Variants in DOCK1 observed in about 807,000 individuals in gnomAD.
The protein encoded by DOCK1 is dedicator of cytokinesis 1.
In DOCK1, 138 loss-of-function variants were observed where a neutral mutation model predicts 262.7. That is an observed-to-expected ratio of 0.53 (90% CI 0.46 to 0.61). DOCK1 has a LOEUF of 0.61. DOCK1 is among the 20% of genes least tolerant of loss of function. The probability of loss-of-function intolerance (pLI) is 0.00; values close to 1 mark genes in which losing one functional copy is unlikely to be tolerated. For synonymous variants in DOCK1, 866 were observed against 867.4 expected, an observed-to-expected ratio of 1.00 and a Z score of 0.03; for missense variants, 1,908 against 2,370.7, an observed-to-expected ratio of 0.80 and a Z score of 4.05.
chr10:127,008,474 G>C (rs531521274), intron 10 of DOCK1, among the ~76,000 whole-genome samples: 1 of 152,322 alleles, frequency 6.6e-6, no homozygotes, highest in East Asian at 1.9e-4. Context: ...GGACAGGGCA[G>C]CTCTAGGGTG....
chr10:127,018,633 A>G, intron 12 of DOCK1, 77 bp from the exon 13 acceptor site: 5 of 1,603,582 alleles, frequency 3.1e-6, no homozygotes, highest in Non-Finnish European at 4.3e-6. Flanking sequence ...TCTCTCATTC[A>G]TTGAAATTGG....
At chr10:127,178,421 C>T (rs1186315143) in intron 27 of DOCK1, among the ~76,000 whole-genome samples, 1 of 152,154 alleles carries the variant, frequency 6.6e-6, no homozygotes, top group Non-Finnish European at 1.5e-5. Flanking sequence ...GGGTGGTCAG[C>T]AGTCCCTGGC....
At chr10:126,945,933 T>A (rs1353610613) in intron 1 of DOCK1, among the ~76,000 whole-genome samples, 1 of 152,170 alleles carries the variant, frequency 6.6e-6, no homozygotes, top group Non-Finnish European at 1.5e-5. Flanking sequence ...CTTGGAATGC[T>A]CAGGTGTGGT....
At chr10:127,093,249 T>TCTTTCTTTC (rs60427425) in intron 23 of DOCK1, among the ~76,000 whole-genome samples, 12 of 129,346 alleles carry the variant, frequency 9.3e-5, no homozygotes, top group African/African-American at 3.7e-4. Flanking sequence ...CTTCTTTTTT[T>TCTTTCTTTC]TTTTTTTTTT....
intron 23 of DOCK1, among the ~76,000 whole-genome samples, chr10:127,102,506 C>T (rs939326923): frequency 1.3e-5 from 2 of 152,154 alleles, no homozygotes; most frequent in Non-Finnish European, 2.9e-5. Flanking sequence ...TGGAAATATT[C>T]CCAGGTAATA....
At chr10:126,989,598 A>G (rs1234247409) in intron 5 of DOCK1, among the ~76,000 whole-genome samples, 1 of 152,172 alleles carries the variant, frequency 6.6e-6, no homozygotes, top group African/African-American at 2.4e-5. Context: ...AAGTGCTAGG[A>G]TTATAGGCCG....
At chr10:127,132,730 C>G (rs1387944743) in intron 27 of DOCK1, among the ~76,000 whole-genome samples, 1 of 152,122 alleles carries the variant, frequency 6.6e-6, no homozygotes, top group East Asian at 1.9e-4. Context: ...ACATTTCCGT[C>G]TCCTGTGATA....
At chr10:127,052,553 T>C in intron 21 of DOCK1, 128 bp from the exon 22 acceptor site, 1 of 1,322,670 alleles carries the variant, frequency 7.6e-7, no homozygotes, top group Non-Finnish European at 1.0e-6. Context: ...GAAAACGTTT[T>C]ACAGATATTC....
intron 1 of DOCK1, among the ~76,000 whole-genome samples, chr10:126,939,942 A>G (rs896392239): frequency 6.5e-4 from 99 of 152,172 alleles, no homozygotes; most frequent in Admixed American, 1.8e-3. Context: ...TGTTGCCTGA[A>G]TAGGAGCCTC....
Position 127,419,675 on chromosome 10 carries a change from A to T in DOCK1, c.4702A>T (p.Thr1568Ser), listed in dbSNP as rs779586829. Residue 1568 changes from threonine (T) to serine (S), a missense_variant, in exon 46 of 52, where the codon ACA (threonine) becomes TCA (serine). Thr to Ser is a moderately conservative substitution (Grantham distance 58). Coordinates refer to ENST00000623213, the MANE Select transcript of DOCK1 (RefSeq NM_001290223.2). ...TCCTTGTCTCCACCAGGCCTTCTTTACAGACCGGTACCTGCAGGAGCACCC... is the reference window on the plus strand; with the variant it reads ...TCCTTGTCTCCACCAGGCCTTCTTTTCAGACCGGTACCTGCAGGAGCACCC... ...GFANYEKAFF[T>S]DRYLQEHPEA... 59 of 1,603,870 alleles carry T rather than the reference A, an allele frequency of 3.7e-5. No homozygotes were observed. Among genetic ancestry groups the T allele is most frequent in the Non-Finnish European group, 4.9e-5 (57 of 1,175,032 alleles).
chr10:127,309,486 T>C (rs1446794269), intron 29 of DOCK1, among the ~76,000 whole-genome samples: 1 of 152,248 alleles, frequency 6.6e-6, no homozygotes, highest in East Asian at 1.9e-4. Context: ...GCAGTTGCTT[T>C]TGGCATTTTG....
At chr10:127,086,216 G>A (rs1180807796) in intron 23 of DOCK1, among the ~76,000 whole-genome samples, 1 of 149,750 alleles carries the variant, frequency 6.7e-6, no homozygotes, top group South Asian at 2.1e-4. Context: ...ACCAGCCCTG[G>A]AAACCCCACC....
intron 29 of DOCK1, among the ~76,000 whole-genome samples, chr10:127,324,614 G>T (rs904153818): frequency 6.6e-6 from 1 of 150,376 alleles, no homozygotes; most frequent in Non-Finnish European, 1.5e-5. Flanking sequence ...CAATATTTCG[G>T]TTTTTTTTTT....
chr10:127,107,018 C>T lies in DOCK1; in HGVS notation c.2516+717C>T, dbSNP rs116859407. Among the ~76,000 whole-genome samples the T allele has an allele frequency of 1.6e-3, 246 of 152,148 alleles. 1 individual carries two copies. The East Asian group carries it at 0.024, about 15-fold the overall frequency. ...TGTTGCCCAGGCTGTAGTGCAGTGG[C>T]GCGATCATAGCTCACTGCAGCTTCA... On this transcript the variant is annotated intron_variant, in intron 24 of 51. Transcript: ENST00000623213.
At chr10:127,072,081 C>A (rs1360872128) in intron 23 of DOCK1, among the ~76,000 whole-genome samples, 2 of 152,176 alleles carry the variant, frequency 1.3e-5, no homozygotes, top group Non-Finnish European at 2.9e-5. Flanking sequence ...CACATCTGTG[C>A]CCTCGGTCTT....
At chr10:127,356,345 G>C (rs1233592971) in intron 32 of DOCK1, among the ~76,000 whole-genome samples, 1 of 152,098 alleles carries the variant, frequency 6.6e-6, no homozygotes, top group Non-Finnish European at 1.5e-5. Flanking sequence ...AGTCTTTCTG[G>C]GCCGTTAGAT....
intron 29 of DOCK1, among the ~76,000 whole-genome samples, chr10:127,326,986 A>G (rs1343352479): frequency 6.6e-6 from 1 of 152,244 alleles, no homozygotes; most frequent in Non-Finnish European, 1.5e-5. Flanking sequence ...TCAGGTCTTA[A>G]CAGTGGGCTT....
chr10:127,052,492 C>A (rs2044797882), intron 21 of DOCK1, among the ~76,000 whole-genome samples, 189 bp from the exon 22 acceptor site: 1 of 150,794 alleles, frequency 6.6e-6, no homozygotes, highest in South Asian at 2.1e-4. Context: ...CCATTGCACT[C>A]CATCCTGGGT....
At chr10:126,922,722 G>A (rs931494772) in intron 1 of DOCK1, among the ~76,000 whole-genome samples, 1 of 152,092 alleles carries the variant, frequency 6.6e-6, no homozygotes, top group Non-Finnish European at 1.5e-5. Flanking sequence ...GGTGGTGGTT[G>A]CACAACATTA....
Sources: allele counts gnomAD v4.1 joint callset (sites outside exome capture counted in the v4.1 genomes callset), GRCh38; gene constraint gnomAD v4.1.1; transcripts MANE v1.5; gene names NCBI Gene and HGNC (gene_info 2026-07-23, HGNC 2026-07-21).